The following KCTD8 variants were observed in gnomAD, a reference collection of about 807,000 sequenced individuals.
KCTD8 encodes potassium channel tetramerization domain containing 8.
In KCTD8, 27 loss-of-function variants were observed where a neutral mutation model predicts 31.5. That is an observed-to-expected ratio of 0.86 (90% confidence interval 0.63 to 1.18). KCTD8 has a LOEUF of 1.18. Among genes scored for constraint, KCTD8 ranks in the 50% most tolerant of loss-of-function variants. The probability of loss-of-function intolerance (pLI) is 0.00; values close to 1 mark genes in which losing one functional copy is unlikely to be tolerated. For synonymous variants in KCTD8, 290 were observed against 280.0 expected (o/e 1.04, Z -0.36); for missense variants, 658 against 647.7 (o/e 1.02, Z -0.17).
intron 1 of KCTD8, among the ~76,000 whole-genome samples, chr4:44,377,845 T>C (rs1471576042): frequency 1.3e-5 from 2 of 152,168 alleles, no homozygotes; most frequent in East Asian, 3.9e-4. Flanking sequence ...CGTCTTCTTC[T>C]TTCCCTTCCC....
chr4:44,179,597 C>G lies in KCTD8; in HGVS notation c.962-4347G>C, dbSNP rs992380867. ...AATATCTTTAGGCAAGGTGAACTCCCAATCAGACCAAACAGATTCGGAGGT... is the reference window on the plus strand; with the variant it reads ...AATATCTTTAGGCAAGGTGAACTCCGAATCAGACCAAACAGATTCGGAGGT... On this transcript the variant is annotated intron_variant, in intron 1 of 1. Transcript: ENST00000360029. Among the ~76,000 whole-genome samples, 12 of 151,034 alleles carry G rather than the reference C, an allele frequency of 7.9e-5. No homozygotes were observed. In the South Asian group the frequency reaches 2.3e-3, roughly 29 times the overall value.
At chr4:44,354,697 T>A (rs1176639631) in intron 1 of KCTD8, among the ~76,000 whole-genome samples, 2 of 152,124 alleles carry the variant, frequency 1.3e-5, no homozygotes, top group Non-Finnish European at 2.9e-5. Context: ...AGTATTATCA[T>A]CCCTATGTTA....
intron 1 of KCTD8, among the ~76,000 whole-genome samples, chr4:44,355,193 CTTA>C (rs768555188): frequency 1.3e-5 from 2 of 152,142 alleles, no homozygotes; most frequent in Non-Finnish European, 2.9e-5. Context: ...TTAAAAATTA[CTTA>C]TTATTGTTGA....
chr4:44,338,920 A>G (rs999196551), intron 1 of KCTD8, among the ~76,000 whole-genome samples: 2 of 152,172 alleles, frequency 1.3e-5, no homozygotes, highest in Admixed American at 1.3e-4. Context: ...GAAAATAAGT[A>G]TATAGGAGAA....
chr4:44,315,986 C>T (rs994754775), intron 1 of KCTD8, among the ~76,000 whole-genome samples: 1 of 152,144 alleles, frequency 6.6e-6, no homozygotes, highest in Non-Finnish European at 1.5e-5. Flanking sequence ...AGGTTTTCTA[C>T]CCATGTATAC....
chr4:44,221,835 T>C (rs1368301107), intron 1 of KCTD8, among the ~76,000 whole-genome samples: 1 of 151,864 alleles, frequency 6.6e-6, no homozygotes, highest in Non-Finnish European at 1.5e-5. Flanking sequence ...TGTCTCCCAA[T>C]TCACTGACTC....
At chr4:44,266,806 C>T (rs896083939) in intron 1 of KCTD8, among the ~76,000 whole-genome samples, 3 of 152,096 alleles carry the variant, frequency 2.0e-5, no homozygotes, top group African/African-American at 4.8e-5. Context: ...AAGGCCATTA[C>T]ATAATGGTAA....
intron 1 of KCTD8, among the ~76,000 whole-genome samples, chr4:44,240,913 G>T (rs754963626): frequency 1.1e-4 from 16 of 152,190 alleles, no homozygotes; most frequent in Non-Finnish European, 1.8e-4. Flanking sequence ...CTGTCAGAAG[G>T]TGCTAAGAGG....
At chr4:44,397,687 T>G (rs1231737917) in intron 1 of KCTD8, among the ~76,000 whole-genome samples, 1 of 152,188 alleles carries the variant, frequency 6.6e-6, no homozygotes, top group Non-Finnish European at 1.5e-5. Context: ...TTACTTATCT[T>G]TTGTAAAAAT....
intron 1 of KCTD8, among the ~76,000 whole-genome samples, chr4:44,287,997 T>C (rs1717152893): frequency 6.6e-6 from 1 of 152,176 alleles, no homozygotes; most frequent in Non-Finnish European, 1.5e-5. Context: ...TGGACCAGAT[T>C]AAACAGAATA....
chr4:44,320,448 C>G (rs947653792), intron 1 of KCTD8, among the ~76,000 whole-genome samples: 3 of 152,124 alleles, frequency 2.0e-5, no homozygotes, highest in African/African-American at 7.2e-5. Flanking sequence ...TTCTAAGGAA[C>G]TTCCCTAAGT....
At chr4:44,359,142 G>A (rs1383704023) in intron 1 of KCTD8, among the ~76,000 whole-genome samples, 1 of 152,070 alleles carries the variant, frequency 6.6e-6, no homozygotes, top group Admixed American at 6.6e-5. Context: ...AGTTTCTTTT[G>A]CTGTGCAGAA....
chr4:44,386,522 G>A (rs1486106517), intron 1 of KCTD8, among the ~76,000 whole-genome samples: 2 of 151,540 alleles, frequency 1.3e-5, no homozygotes, highest in East Asian at 3.9e-4. Flanking sequence ...GATCATCAGA[G>A]AAATTCAAAT....
chr4:44,419,819 G>A (rs1721169795), intron 1 of KCTD8, among the ~76,000 whole-genome samples: 1 of 151,776 alleles, frequency 6.6e-6, no homozygotes, highest in Non-Finnish European at 1.5e-5. Flanking sequence ...CCTGCACATT[G>A]TGCACATGTA....
chr4:44,382,346 T>C (rs1278913124), intron 1 of KCTD8, among the ~76,000 whole-genome samples: 1 of 152,008 alleles, frequency 6.6e-6, no homozygotes, highest in African/African-American at 2.4e-5. Context: ...AGAAGGAGCA[T>C]ACATCAATAC....
intron 1 of KCTD8, among the ~76,000 whole-genome samples, chr4:44,338,895 C>G (rs543063168): frequency 1.3e-5 from 2 of 152,128 alleles, no homozygotes; most frequent in Admixed American, 6.5e-5. Context: ...TCATAAGTCC[C>G]TTATAGACAC....
At chr4:44,341,316 T>C (rs948382735) in intron 1 of KCTD8, among the ~76,000 whole-genome samples, 2 of 152,162 alleles carry the variant, frequency 1.3e-5, no homozygotes, top group African/African-American at 4.8e-5. Context: ...AGGGTGGTGT[T>C]TGCAGAACCC....
At chr4:44,203,903 A>G (rs1714225119) in intron 1 of KCTD8, among the ~76,000 whole-genome samples, 2 of 151,814 alleles carry the variant, frequency 1.3e-5, no homozygotes, top group Admixed American at 6.6e-5. Flanking sequence ...AGTAATATAT[A>G]TAAATAAAAG....
chr4:44,393,068 C>T (rs1280818365), intron 1 of KCTD8, among the ~76,000 whole-genome samples: 1 of 151,988 alleles, frequency 6.6e-6, no homozygotes, highest in African/African-American at 2.4e-5. Context: ...ATGGTAATAA[C>T]ACAAAATGTG....
Sources: allele counts gnomAD v4.1 joint callset (sites outside exome capture counted in the v4.1 genomes callset), GRCh38; gene constraint gnomAD v4.1.1; transcripts MANE v1.5; gene names NCBI Gene and HGNC (gene_info 2026-07-23, HGNC 2026-07-21).